STAT5A: variants seen among roughly 807,000 people sequenced by gnomAD.
STAT5A encodes epididymis secretory sperm binding protein.
STAT5A carries 26 observed loss-of-function variants against 100.2 expected under a neutral mutation model. The observed-to-expected ratio is 0.26, with a 90% CI of 0.19 to 0.36. STAT5A has a LOEUF of 0.36. Ranked by LOEUF, STAT5A falls within the 10% of genes least tolerant of loss-of-function variation. The pLI, the probability that STAT5A is intolerant of heterozygous loss-of-function variation, is 1.00. For synonymous variants in STAT5A, 330 were observed against 424.3 expected, an observed-to-expected ratio of 0.78 and a Z score of 2.73; for missense variants, 634 against 1,027.5, an observed-to-expected ratio of 0.62 and a Z score of 5.24.
chr17:42,305,726 C>A (rs748505450), intron 12 of STAT5A, 24 bp downstream of exon 12: 1 of 1,611,584 alleles, frequency 6.2e-7, no homozygotes, highest in South Asian at 1.1e-5. Flanking sequence ...GGAGCCCTAC[C>A]CCAGCACCCC....
chr17:42,304,780 G>T lies in STAT5A; in HGVS notation c.1380+128G>T. ...TGACTCTGTGGGTCCCTGTTTGATA[G>T]GTTATAATCTGGGACTAACCCAGAC... On this transcript the variant is annotated intron_variant, in intron 11 of 18. Coordinates refer to ENST00000590949, the MANE Select transcript of STAT5A (RefSeq NM_001288718.2). This position sits in a 1 kb window ranked among gnomAD's most constrained non-coding sequence, Gnocchi z 4.8. 1 of 1,440,002 alleles carries T rather than the reference G, an allele frequency of 6.9e-7. No individual in the cohort carries two copies. Among genetic ancestry groups the T allele is most frequent in the Non-Finnish European group, 9.4e-7 (1 of 1,061,312 alleles). The allele number at this position is 1,440,002 out of a possible 1,614,324, so 89.2% of individuals were successfully genotyped here.
chr17:42,305,514 T>A (rs2081019697), intron 11 of STAT5A, 96 bp from the exon 12 acceptor site: 7 of 1,028,640 alleles, frequency 6.8e-6, no homozygotes, highest in South Asian at 3.0e-5. Flanking sequence ...AAAAAAAAAA[T>A]ACATAAAAAA....
chr17:42,303,489 C>T (rs573396795), intron 9 of STAT5A, among the ~76,000 whole-genome samples: 4 of 152,138 alleles, frequency 2.6e-5, no homozygotes, highest in South Asian at 2.1e-4. Flanking sequence ...GTGGAAGGAT[C>T]GTTTGAGATC....
chr17:42,302,496 A>G (rs1301039648), intron 9 of STAT5A, among the ~76,000 whole-genome samples: 3 of 145,710 alleles, frequency 2.1e-5, no homozygotes, highest in South Asian at 4.2e-4. Context: ...CTGAGGGAAG[A>G]GTACAGAGAC....
rs775554371 is a variant in STAT5A, at chr17:42,304,678, C to T, written c.1380+26C>T. 2.4e-5 allele frequency: 38 copies of T among 1,612,828 alleles called. No individual in the cohort carries two copies. The highest frequency in any genetic ancestry group is 3.1e-5 in the Non-Finnish European group (37 of 1,179,298). ...GTGAGACCCCCAGCCCTCCTGCCCCCACTGCTCCAGGTCACCCAAGAGGTG... is the reference window on the plus strand; with the variant it reads ...GTGAGACCCCCAGCCCTCCTGCCCCTACTGCTCCAGGTCACCCAAGAGGTG... On this transcript the variant is annotated intron_variant, in intron 11 of 18. Transcript: ENST00000590949. The surrounding 1 kb of genome is among the most constrained non-coding windows in gnomAD (Gnocchi z 4.8).
chr17:42,292,275 C>A (rs1445567657), intron 4 of STAT5A, among the ~76,000 whole-genome samples: 1 of 152,112 alleles, frequency 6.6e-6, no homozygotes, highest in East Asian at 1.9e-4. Context: ...AGCTGTGTGA[C>A]TTGAGCAAGT....
At chr17:42,299,677 G>T in intron 5 of STAT5A, 74 bp from the exon 6 acceptor site, 1 of 1,611,384 alleles carries the variant, frequency 6.2e-7, no homozygotes, top group Non-Finnish European at 8.5e-7. Flanking sequence ...CTCCAGAACA[G>T]GTGAGTGGGC....
rs546965190 is a variant in STAT5A at position 42,303,671 on chromosome 17, T to C, written c.1170-671T>C. 5.9e-5 allele frequency among the ~76,000 whole-genome samples: 9 copies of C among 151,692 alleles called. No homozygotes were observed. In the South Asian group the frequency reaches 1.9e-3, roughly 32 times the overall value. On this transcript the variant is annotated intron_variant, in intron 9 of 18. Transcript: ENST00000590949. The stretch of plus-strand genomic sequence containing the variant: ...GTTGTGGTGAGCTGAGATTGCACCA[T>C]CGCACTCCAGCCTGGGCAAAAAGAG...
chr17:42,298,293 T>C (rs1005412504), intron 5 of STAT5A, among the ~76,000 whole-genome samples: 1 of 151,970 alleles, frequency 6.6e-6, no homozygotes, highest in Non-Finnish European at 1.5e-5. Flanking sequence ...CCTAAGTAGC[T>C]GGGATTACAG....
In STAT5A at chr17:42,301,449, C is replaced by T; in HGVS notation, c.1164C>T (p.Thr388=). 6.2e-7 allele frequency: 1 copy of T among 1,614,138 alleles called. No individual in the cohort carries two copies. The highest frequency in any genetic ancestry group is 8.5e-7 in the Non-Finnish European group (1 of 1,180,018). ...AGTCTCTGCTTAAAAATGAGAACACCCGCAAGTAATTGTGCCTCTCCCTTC... is the reference window on the plus strand; with the variant it reads ...AGTCTCTGCTTAAAAATGAGAACACTCGCAAGTAATTGTGCCTCTCCCTTC... ...QAKSLLKNEN[T]RNECSGEILN... is the part of the protein sequence containing the mutation. Residue 388 remains threonine, a synonymous_variant, in exon 9 of 19, where the codon ACC becomes ACT. Transcript: ENST00000590949.
At position 42,310,614 on chromosome 17, in the gene STAT5A, C is replaced by T; in HGVS notation, c.2330C>T (p.Ser777Phe). 1 of 1,614,208 alleles carries T rather than the reference C, an allele frequency of 6.2e-7. No homozygotes were observed. Among genetic ancestry groups the T allele is most frequent in the Non-Finnish European group, 8.5e-7 (1 of 1,180,026 alleles). The change falls in exon 19 of 19, where the codon TCC becomes TTC. Residue 777 changes from serine (S) to phenylalanine (F), a missense_variant. Coordinates refer to ENST00000590949, the MANE Select transcript of STAT5A (RefSeq NM_001288718.2). ...LLRRPMDSLD[S>F]RLSPPAGLFT... Reference sequence around the variant, plus strand: ...CGCCGACCAATGGACAGTCTTGACTCCCGCCTCTCGCCCCCTGCCGGTCTT... The same window carrying T: ...CGCCGACCAATGGACAGTCTTGACTTCCGCCTCTCGCCCCCTGCCGGTCTT...
At chr17:42,290,524 G>A (rs1469164739) in intron 3 of STAT5A, among the ~76,000 whole-genome samples, 1 of 152,204 alleles carries the variant, frequency 6.6e-6, no homozygotes, top group Non-Finnish European at 1.5e-5. Context: ...GGAAAGGGGT[G>A]TGGGTAGTGA....
rs557584855 is a variant in STAT5A at position 42,299,439 on chromosome 17, A to C, written c.551-312A>C. On this transcript the variant is annotated intron_variant, in intron 5 of 18. Transcript: ENST00000590949. The stretch of plus-strand genomic sequence containing the variant: ...CCAGACAGCCTGGACCCATGCTGGG[A>C]CGCGAGAAGAGGGCTGGCAGCCCTG... 4.9e-3 allele frequency among the ~76,000 whole-genome samples: 747 copies of C among 152,306 alleles called. 5 individuals carry two copies. Among genetic ancestry groups the C allele is most frequent in the South Asian group, 0.036 (175 of 4,826 alleles).
At chr17:42,289,178 T>C in intron 1 of STAT5A, 1 of 448,916 alleles carries the variant, frequency 2.2e-6, no homozygotes, top group Non-Finnish European at 3.9e-6. Flanking sequence ...GGCACCTGCC[T>C]CTGCAGAGCA....
In STAT5A at chr17:42,305,639, C is replaced by T; in HGVS notation, c.1410C>T (p.Val470=). The T allele has an allele frequency of 6.2e-7, 1 of 1,614,212 alleles. No individual in the cohort carries two copies. The highest frequency in any genetic ancestry group is 8.5e-7 in the Non-Finnish European group (1 of 1,180,034). The change falls in exon 12 of 19, where the codon GTC becomes GTT. Residue 470 remains valine (V), a synonymous_variant. Transcript: ENST00000590949. Reference sequence around the variant, plus strand: ...TGTCCCTACCTGTGGTTGTCATCGTCCACGGCAGCCAGGACCACAATGCCA... The same window carrying T: ...TGTCCCTACCTGTGGTTGTCATCGTTCACGGCAGCCAGGACCACAATGCCA... ...KTLSLPVVVI[V]HGSQDHNATA...
intron 3 of STAT5A, among the ~76,000 whole-genome samples, chr17:42,291,630 C>T (rs1380150779): frequency 1.3e-5 from 2 of 151,792 alleles, no homozygotes; most frequent in East Asian, 3.9e-4. Context: ...GAAGGAGAAT[C>T]GCTTGAACCC....
chr17:42,301,238 AC>A (rs762711039), intron 8 of STAT5A, 36 bp from the exon 9 acceptor site: 1 of 1,601,878 alleles, frequency 6.2e-7, no homozygotes, highest in Non-Finnish European at 8.5e-7. Context: ...CCCTGCGCCA[AC>A]CCCTCATCGT....
At chr17:42,291,918 C>A in intron 3 of STAT5A, 54 bp from the exon 4 acceptor site, 2 of 1,592,174 alleles carry the variant, frequency 1.3e-6, no homozygotes, top group Non-Finnish European at 1.7e-6. Context: ...TAGCATGGGG[C>A]TGGCATGGCT....
intron 5 of STAT5A, among the ~76,000 whole-genome samples, chr17:42,299,365 C>T (rs1390534021): frequency 1.3e-5 from 2 of 152,210 alleles, no homozygotes; most frequent in Admixed American, 6.5e-5. Flanking sequence ...GAAAGGAAAG[C>T]GATTTGCCCA....
Sources: gnomAD v4.1 joint callset for allele counts (sites outside exome capture counted in the v4.1 genomes callset) on GRCh38, gnomAD v4.1.1 for gene constraint, Gnocchi (gnomAD v3.1) non-coding constraint, MANE v1.5 for transcripts, NCBI Gene and HGNC (gene_info 2026-07-23, HGNC 2026-07-21) for gene names.